The following COL9A1 variants were observed in gnomAD, a reference collection of about 807,000 sequenced individuals.
COL9A1 encodes the protein collagen type IX alpha 1 chain, also known as collagen alpha-1(IX) chain.
Under a neutral mutation model 142.6 loss-of-function variants are expected in COL9A1, and 104 were observed. That is an observed-to-expected ratio of 0.73 (90% confidence interval 0.62 to 0.86). COL9A1 has a LOEUF of 0.86. Among genes scored for constraint, COL9A1 ranks in the 40% least tolerant of loss-of-function variants. The pLI, the probability that COL9A1 is intolerant of heterozygous loss-of-function variation, is 0.00. For synonymous variants in COL9A1, 466 were observed against 396.0 expected (o/e 1.18, Z -2.10); for missense variants, 1,210 against 1,176.6 (o/e 1.03, Z -0.42).
chr6:70,239,371 C>A, intron 32 of COL9A1, 85 bp from the exon 33 acceptor site: 1 of 962,048 alleles, frequency 1.0e-6, no homozygotes, highest in South Asian at 1.4e-5. Context: ...TATTGTGCTA[C>A]TAAAATACGG....
At chr6:70,220,530 T>C (rs371642043) in intron 37 of COL9A1, among the ~76,000 whole-genome samples, 1 of 151,812 alleles carries the variant, frequency 6.6e-6, no homozygotes, top group East Asian at 1.9e-4. Flanking sequence ...GAAACTAAGA[T>C]ATTTCTCTGA....
intron 5 of COL9A1, among the ~76,000 whole-genome samples, chr6:70,289,560 T>C (rs1274061090): frequency 6.6e-6 from 1 of 152,146 alleles, no homozygotes; most frequent in African/African-American, 2.4e-5. Flanking sequence ...AAATATAAAA[T>C]AAAATTGTTC....
chr6:70,245,030 T>C (rs532318635), intron 28 of COL9A1, among the ~76,000 whole-genome samples: 1 of 152,310 alleles, frequency 6.6e-6, no homozygotes, highest in South Asian at 2.1e-4. Context: ...CAGCATGTGG[T>C]TCCTCATTTT....
chr6:70,301,605 G>A (rs1201508468), intron 2 of COL9A1, among the ~76,000 whole-genome samples: 1 of 151,970 alleles, frequency 6.6e-6, no homozygotes, highest in African/African-American at 2.4e-5. Context: ...ATATAAAAAA[G>A]CATGGGCCTA....
intron 37 of COL9A1, among the ~76,000 whole-genome samples, chr6:70,218,205 A>G (rs1768650269): frequency 6.6e-6 from 1 of 152,196 alleles, no homozygotes; most frequent in Non-Finnish European, 1.5e-5. Context: ...CTATTATTAC[A>G]ATTATTAAGA....
chr6:70,284,239 G>T (rs188986095), intron 5 of COL9A1, among the ~76,000 whole-genome samples: 1 of 151,916 alleles, frequency 6.6e-6, no homozygotes, highest in Non-Finnish European at 1.5e-5. Context: ...ACTCTACAGG[G>T]AATATATGCT....
chr6:70,268,655 A>C, intron 17 of COL9A1, 149 bp downstream of exon 17: 1 of 714,016 alleles, frequency 1.4e-6, no homozygotes, highest in Non-Finnish European at 2.5e-6. Flanking sequence ...AATACATGTC[A>C]AGGGCAACTG....
intron 10 of COL9A1, 142 bp from the exon 11 acceptor site, chr6:70,274,914 C>T (rs886832235): frequency 6.0e-6 from 4 of 666,688 alleles, no homozygotes; most frequent in African/African-American, 5.5e-5. Context: ...AAATACCTTA[C>T]TATAGTCTTA....
At position 70,216,530 on chromosome 6, in the gene COL9A1, A is replaced by G. The variant is rs1562281197; in HGVS notation, c.*367T>C. The G allele has an allele frequency of 4.1e-6, 1 of 243,682 alleles. No individual in the cohort carries two copies. Among genetic ancestry groups the G allele is most frequent in the Non-Finnish European group, 8.1e-6 (1 of 123,206 alleles). The allele number at this position is 243,682 out of a possible 1,614,324, so 15.1% of individuals were successfully genotyped here. ...GAAAATAACTACTGCAACTGAGGTAAACCAAACAGTTGTTTTTGTTTATTG... is the reference window on the plus strand; with the variant it reads ...GAAAATAACTACTGCAACTGAGGTAGACCAAACAGTTGTTTTTGTTTATTG... On this transcript the variant is annotated 3_prime_UTR_variant, in exon 38 of 38. Coordinates refer to ENST00000357250, the MANE Select transcript of COL9A1 (RefSeq NM_001851.6).
intron 33 of COL9A1, among the ~76,000 whole-genome samples, chr6:70,235,735 G>T (rs1252022908): frequency 6.6e-6 from 1 of 151,042 alleles, no homozygotes; most frequent in Non-Finnish European, 1.5e-5. Flanking sequence ...TTTTTTTTTA[G>T]AGAATGTGAA....
At chr6:70,242,105 A>C (rs1770295399) in intron 29 of COL9A1, 70 bp from the exon 30 acceptor site, 2 of 1,328,614 alleles carry the variant, frequency 1.5e-6, no homozygotes, top group Non-Finnish European at 2.1e-6. Flanking sequence ...GGCAGAAACA[A>C]CCTTGGGTGT....
At chr6:70,220,102 C>A (rs1768773604) in intron 37 of COL9A1, among the ~76,000 whole-genome samples, 1 of 152,120 alleles carries the variant, frequency 6.6e-6, no homozygotes, top group South Asian at 2.1e-4. Context: ...CTGCCTTTGG[C>A]AAATGCAGCA....
chr6:70,300,442 A>C, intron 2 of COL9A1, 56 bp from the exon 3 acceptor site: 1 of 661,768 alleles, frequency 1.5e-6, no homozygotes, highest in Non-Finnish European at 2.3e-6. Flanking sequence ...AAAGTATAAT[A>C]ATAATAAAAT....
rs952823581 is a variant in COL9A1 at position 70,263,107 on chromosome 6, T to C, written c.1395+137A>G. ...TGAAGAAGTAGTTATCCCCCAGTGC[T>C]GGCGTGGTGGAAAATAGAGGACACC... On this transcript the variant is annotated intron_variant, in intron 19 of 37. Coordinates refer to ENST00000357250, the MANE Select transcript of COL9A1 (RefSeq NM_001851.6). The C allele has an allele frequency of 7.9e-6, 5 of 630,492 alleles. No homozygotes were observed. In the African/African-American group the frequency reaches 9.3e-5, roughly 12 times the overall value. The allele number at this position is 630,492 out of a possible 1,614,324, so 39.1% of individuals were successfully genotyped here. A position where few individuals can be genotyped will look rare whatever the true frequency, so the allele number is the denominator to read the frequency against.
chr6:70,261,690 G>A (rs1314507749), intron 19 of COL9A1, among the ~76,000 whole-genome samples: 2 of 152,190 alleles, frequency 1.3e-5, no homozygotes, highest in African/African-American at 4.8e-5. Context: ...TATCCATTTA[G>A]AATATCGAGT....
In COL9A1 at chr6:70,268,825, ATATCC is replaced by A. The variant is rs1772206276; in HGVS notation, c.1261_1265del (p.Gly421SerfsTer10). On this transcript the variant is annotated frameshift_variant, in exon 17 of 38. Transcript: ENST00000357250. LOFTEE classifies it high-confidence loss of function. ...TTACCCTCATGCCTGGTAGGCCTGG[ATATCC>A]TGAGCGACCTGGTGGACAGGCATTG... The A allele has an allele frequency of 1.2e-6, 2 of 1,613,820 alleles. No homozygotes were observed. The highest frequency in any genetic ancestry group is 1.7e-6 in the Non-Finnish European group (2 of 1,179,892).
chr6:70,267,098 A>G (rs1209158627), intron 17 of COL9A1, among the ~76,000 whole-genome samples: 1 of 152,158 alleles, frequency 6.6e-6, no homozygotes, highest in Non-Finnish European at 1.5e-5. Context: ...TAGGAGCATT[A>G]AGTCTTCTCT....
Position 70,283,761 on chromosome 6 carries a change from G to C in COL9A1, c.756C>G (p.Cys252Trp), listed in dbSNP as rs1371636021. ...CCGTTATTCTGGCTGGCAGCTCATGGCAAGTTTCTCTCCTGGGCCGCAGGG... is the reference window on the plus strand; with the variant it reads ...CCGTTATTCTGGCTGGCAGCTCATGCCAAGTTTCTCTCCTGGGCCGCAGGG... ...CDPLRPRRET[C>W]HELPARITPS... The change falls in exon 6 of 38, where the codon TGC becomes TGG. Residue 252 changes from cysteine to tryptophan, a missense_variant. Physicochemically the swap from Cys to Trp is radical, Grantham distance 215 (BLOSUM62 -2). Coordinates refer to ENST00000357250, the MANE Select transcript of COL9A1 (RefSeq NM_001851.6). 1 of 1,611,852 alleles carries C rather than the reference G, an allele frequency of 6.2e-7. No homozygotes were observed. Among genetic ancestry groups the C allele is most frequent in the Admixed American group, 1.7e-5 (1 of 59,802 alleles).
intron 29 of COL9A1, chr6:70,242,304 C>G (rs1770311677): frequency 1.7e-6 from 1 of 585,162 alleles, no homozygotes. Context: ...CCCCCGCCAC[C>G]CCCGCACTGC....
Sources: gnomAD v4.1 joint callset for allele counts (sites outside exome capture counted in the v4.1 genomes callset) on GRCh38, gnomAD v4.1.1 for gene constraint, MANE v1.5 for transcripts, NCBI Gene and HGNC (gene_info 2026-07-23, HGNC 2026-07-21) for gene names.